Variants in TM2D1 observed in about 807,000 individuals in gnomAD.
TM2D1 encodes TM2 domain containing 1.
In TM2D1, 15 loss-of-function variants were observed where a neutral mutation model predicts 28.4. That is an observed-to-expected ratio of 0.53 (90% CI 0.35 to 0.81). TM2D1 has a LOEUF of 0.81. TM2D1 is among the 40% of genes least tolerant of loss of function. The pLI, the probability that TM2D1 is intolerant of heterozygous loss-of-function variation, is 0.01. For synonymous variants in TM2D1, 93 were observed against 96.2 expected, an observed-to-expected ratio of 0.97 and a Z score of 0.20; for missense variants, 236 against 254.9, an observed-to-expected ratio of 0.93 and a Z score of 0.50.
intron 5 of TM2D1, among the ~76,000 whole-genome samples, chr1:61,685,972 C>A (rs1644282400): frequency 6.6e-6 from 1 of 152,010 alleles, no homozygotes; most frequent in African/African-American, 2.4e-5. Context: ...ATGATCACAC[C>A]ACTGCGCTCC....
At chr1:61,696,642 A>T (rs532355517) in intron 4 of TM2D1, among the ~76,000 whole-genome samples, 17 of 152,202 alleles carry the variant, frequency 1.1e-4, no homozygotes, top group African/African-American at 4.1e-4. Context: ...AGAATAGGTA[A>T]TCACATCAGG....
chr1:61,711,515 G>A (rs1252159560), intron 2 of TM2D1, among the ~76,000 whole-genome samples: 2 of 151,656 alleles, frequency 1.3e-5, no homozygotes, highest in Admixed American at 1.3e-4. Context: ...GTCAGGCATG[G>A]TGGTGCTCAC....
At chr1:61,699,603 A>G (rs1171631521) in intron 4 of TM2D1, 1 of 152,268 alleles carries the variant, frequency 6.6e-6, no homozygotes, top group Non-Finnish European at 1.5e-5. Context: ...CAACCTCTGT[A>G]ATCTTTTCAT....
At chr1:61,692,918 A>C (rs1410172107) in intron 5 of TM2D1, among the ~76,000 whole-genome samples, 1 of 152,152 alleles carries the variant, frequency 6.6e-6, no homozygotes, top group African/African-American at 2.4e-5. Flanking sequence ...TCTTAATGTG[A>C]TCGACTCCTA....
At chr1:61,701,409 T>G (rs1644400642) in intron 3 of TM2D1, among the ~76,000 whole-genome samples, 1 of 147,044 alleles carries the variant, frequency 6.8e-6, no homozygotes. Flanking sequence ...ATTAAGAAGG[T>G]GATATTTGAG....
intron 5 of TM2D1, among the ~76,000 whole-genome samples, chr1:61,692,647 A>G (rs1483709768): frequency 2.6e-5 from 4 of 152,132 alleles, no homozygotes; most frequent in Non-Finnish European, 4.4e-5. Context: ...TGTAATCCCA[A>G]CACTTTGGGA....
chr1:61,725,065 A>T lies in TM2D1; in HGVS notation c.56T>A (p.Leu19His), dbSNP rs1644595918. 6.2e-7 allele frequency: 1 copy of T among 1,613,774 alleles called. No homozygotes were observed. Among genetic ancestry groups the T allele is most frequent in the African/African-American group, 1.3e-5 (1 of 74,936 alleles). ...PSAPEAVTARLVGVLWFVSVT... is the reference protein window; with the variant it reads ...PSAPEAVTARHVGVLWFVSVT... The stretch of plus-strand genomic sequence containing the variant: ...TGAGACGAACCACAGGACACCAACG[A>T]GTCTGGCCGTCACGGCCTCCGGAGC... The change falls in exon 1 of 7, where the codon CTC (leucine) becomes CAC (histidine). Residue 19 changes from leucine (L) to histidine (H), a missense_variant. Leu to His is a moderately conservative substitution (Grantham distance 99). Around this residue, in one of 3 missense-constraint regions of TM2D1, gnomAD observed 167 missense variants for 162.7 expected, o/e 1.03. Transcript: ENST00000606498.
At chr1:61,701,889 A>G (rs1342710327) in intron 3 of TM2D1, among the ~76,000 whole-genome samples, 1 of 152,158 alleles carries the variant, frequency 6.6e-6, no homozygotes, top group Non-Finnish European at 1.5e-5. Flanking sequence ...AGGGAAAAGG[A>G]GAAGTCAAGA....
intron 1 of TM2D1, 114 bp downstream of exon 1, chr1:61,724,843 G>T (rs1221914958): frequency 3.4e-6 from 4 of 1,180,676 alleles, no homozygotes; most frequent in Non-Finnish European, 3.4e-6. Context: ...AGAAGCCACA[G>T]ATCAGATTAT....
intron 4 of TM2D1, chr1:61,700,393 A>G: frequency 8.3e-7 from 1 of 1,205,888 alleles, no homozygotes; most frequent in Non-Finnish European, 1.1e-6. Flanking sequence ...TAGTTTTCAT[A>G]AGCATTAGTA....
intron 5 of TM2D1, among the ~76,000 whole-genome samples, chr1:61,687,377 A>T (rs977596994): frequency 4.6e-5 from 7 of 152,254 alleles, no homozygotes; most frequent in Admixed American, 4.6e-4. Context: ...CTAACTGTAC[A>T]CTTAAAGATT....
At chr1:61,696,159 A>G (rs1453148939) in intron 4 of TM2D1, 2 of 152,220 alleles carry the variant, frequency 1.3e-5, no homozygotes, top group African/African-American at 2.4e-5. Flanking sequence ...AGCGTATTTC[A>G]TATTTCCGAA....
chr1:61,683,520 A>C lies in TM2D1; in HGVS notation c.540T>G (p.Ser180Arg). 1 of 1,535,726 alleles carries C rather than the reference A, an allele frequency of 6.5e-7. No individual in the cohort carries two copies. The highest frequency in any genetic ancestry group is 8.8e-7 in the Non-Finnish European group (1 of 1,141,044). ...TGGTTCCATAGTAATCTATAATGTAACTACTTCCATCTGAAGGTCCAACAA... is the reference window on the plus strand; with the variant it reads ...TGGTTCCATAGTAATCTATAATGTACCTACTTCCATCTGAAGGTCCAACAA... ...MQIVGPSDGSSYIIDYYGTRL... is the reference protein window; with the variant it reads ...MQIVGPSDGSRYIIDYYGTRL... The change falls in exon 6 of 7, where the codon AGT becomes AGG. Residue 180 changes from serine (S) to arginine (R), a missense_variant. Physicochemically the swap from Ser to Arg is moderately radical, Grantham distance 110. Transcript: ENST00000606498.
intron 2 of TM2D1, among the ~76,000 whole-genome samples, chr1:61,721,419 A>G (rs1151774): frequency 0.94 from 142,253 of 151,652 alleles, 66,783 homozygotes; most frequent in South Asian, 0.97. Flanking sequence ...GTGCACGCCT[A>G]TAATCCCAGC....
intron 2 of TM2D1, among the ~76,000 whole-genome samples, chr1:61,712,535 C>T (rs970885729): frequency 6.6e-6 from 1 of 152,062 alleles, no homozygotes; most frequent in Non-Finnish European, 1.5e-5. Flanking sequence ...CTCAGCCTCT[C>T]CAGTAGCTGG....
chr1:61,708,064 T>G (rs1368509332), intron 3 of TM2D1, among the ~76,000 whole-genome samples: 1 of 152,154 alleles, frequency 6.6e-6, no homozygotes, highest in Non-Finnish European at 1.5e-5. Flanking sequence ...TTTTAAAAAA[T>G]GTTTAATTTT....
chr1:61,694,667 G>C, intron 5 of TM2D1, 30 bp downstream of exon 5: 1 of 1,436,922 alleles, frequency 7.0e-7, no homozygotes, highest in Non-Finnish European at 9.7e-7. Context: ...GAATGTAAAA[G>C]TAGTTTACAT....
intron 4 of TM2D1, chr1:61,696,079 C>T (rs1347668316): frequency 6.6e-6 from 1 of 152,144 alleles, no homozygotes; most frequent in Admixed American, 6.6e-5. Context: ...ATAAAAACTC[C>T]TTTAGTTTTT....
At chr1:61,701,310 C>CAAAAAAAAAAAA (rs10587870) in intron 3 of TM2D1, among the ~76,000 whole-genome samples, 18 of 84,036 alleles carry the variant, frequency 2.1e-4, no homozygotes, top group African/African-American at 2.6e-4. Flanking sequence ...TAAATGTTAA[C>CAAAAAAAAAAAA]AAAAAAAAAA....
Sources: allele counts gnomAD v4.1 joint callset (sites outside exome capture counted in the v4.1 genomes callset), GRCh38; gene constraint gnomAD v4.1.1; regional missense constraint gnomAD v4.1.1; transcripts MANE v1.5; gene names NCBI Gene and HGNC (gene_info 2026-07-23, HGNC 2026-07-21).